Variants in TMEM132D observed in about 807,000 individuals in gnomAD.
TMEM132D encodes mature OL transmembrane protein.
Under a neutral mutation model 62.3 loss-of-function variants are expected in TMEM132D, and 21 were observed. The observed-to-expected ratio is 0.34, with a 90% CI of 0.24 to 0.49. TMEM132D has a LOEUF of 0.49. Among genes scored for constraint, TMEM132D ranks in the 20% least tolerant of loss-of-function variants. The pLI is 0.99. For missense variants in TMEM132D, 1,346 were observed against 1,402.8 expected, an observed-to-expected ratio of 0.96 and a Z score of 0.65; for synonymous variants, 621 against 575.6, an observed-to-expected ratio of 1.08 and a Z score of -1.13.
intron 2 of TMEM132D, among the ~76,000 whole-genome samples, chr12:129,681,119 G>C (rs1339387906): frequency 6.6e-6 from 1 of 152,184 alleles, no homozygotes; most frequent in Admixed American, 6.5e-5. Context: ...AGCAGGGTAA[G>C]GGTAGAAAAT....
At chr12:129,169,907 C>T (rs1012723133) in intron 5 of TMEM132D, among the ~76,000 whole-genome samples, 3 of 152,200 alleles carry the variant, frequency 2.0e-5, no homozygotes, top group Admixed American at 6.5e-5. Flanking sequence ...TATTTGCAAT[C>T]CCAGTTTTGA....
chr12:129,473,365 T>TG (rs1874160209), intron 3 of TMEM132D, among the ~76,000 whole-genome samples: 1 of 138,636 alleles, frequency 7.2e-6, no homozygotes, highest in African/African-American at 2.7e-5. Context: ...GTCTTGCTCT[T>TG]GTTGCCCAGA....
chr12:129,291,978 G>A (rs1046932192), intron 4 of TMEM132D, among the ~76,000 whole-genome samples: 5 of 152,012 alleles, frequency 3.3e-5, no homozygotes, highest in African/African-American at 7.2e-5. Context: ...ATGGGAGATC[G>A]AACATGGGGC....
chr12:129,742,545 C>T (rs532980671), intron 1 of TMEM132D, among the ~76,000 whole-genome samples: 19 of 152,322 alleles, frequency 1.2e-4, no homozygotes, highest in Admixed American at 3.3e-4. Context: ...GATTAAAGTA[C>T]ACACATTCAA....
At chr12:129,593,510 A>C (rs1302639548) in intron 2 of TMEM132D, among the ~76,000 whole-genome samples, 1 of 152,188 alleles carries the variant, frequency 6.6e-6, no homozygotes, top group Non-Finnish European at 1.5e-5. Context: ...TTTTGGACTG[A>C]TTTTAAATGT....
intron 2 of TMEM132D, among the ~76,000 whole-genome samples, chr12:129,645,424 T>C (rs1879749425): frequency 6.6e-6 from 1 of 152,160 alleles, no homozygotes; most frequent in Non-Finnish European, 1.5e-5. Context: ...GAGTCTTCAT[T>C]TGGAAGGCCC....
intron 1 of TMEM132D, chr12:129,854,641 G>C (rs575020624): frequency 6.6e-6 from 1 of 152,396 alleles, no homozygotes; most frequent in South Asian, 2.1e-4. Context: ...CTGTCTGACA[G>C]TAACGTGGAC....
At chr12:129,428,091 G>T (rs1872549868) in intron 3 of TMEM132D, among the ~76,000 whole-genome samples, 1 of 151,924 alleles carries the variant, frequency 6.6e-6, no homozygotes, top group African/African-American at 2.4e-5. Flanking sequence ...GAGGAAACAG[G>T]GACCACAAGC....
At chr12:129,843,626 G>A (rs1433658620) in intron 1 of TMEM132D, among the ~76,000 whole-genome samples, 2 of 152,178 alleles carry the variant, frequency 1.3e-5, no homozygotes, top group South Asian at 2.1e-4. Flanking sequence ...CAGGGACACA[G>A]GCAGGAAGGG....
chr12:129,896,145 G>C (rs1056213673), intron 1 of TMEM132D, among the ~76,000 whole-genome samples: 1 of 78,078 alleles, frequency 1.3e-5, no homozygotes, highest in South Asian at 3.6e-4. Flanking sequence ...CATTTTTTTT[G>C]TTTTGTTTTG....
intron 3 of TMEM132D, among the ~76,000 whole-genome samples, chr12:129,365,404 A>T (rs930280865): frequency 9.9e-5 from 15 of 152,160 alleles, no homozygotes; most frequent in Admixed American, 7.9e-4. Flanking sequence ...ATCAAGAGAG[A>T]ATTTGTCTTA....
rs2137227480 is a variant in TMEM132D, at chr12:129,700,506, G to C, written c.272C>G (p.Pro91Arg). The change falls in exon 2 of 9, where the codon CCT (proline) becomes CGT (arginine). Residue 91 changes from proline (P) to arginine (R), a missense_variant. Transcript: ENST00000422113. ...AGGCCCGTAGCTGGCATTGAGGACAGGCAGCCTCCTGGATTTGTAAATCAG... is the reference window on the plus strand; with the variant it reads ...AGGCCCGTAGCTGGCATTGAGGACACGCAGCCTCCTGGATTTGTAAATCAG... ...SFLIYKSRRL[P>R]VLNASYGPFS... 6.2e-7 allele frequency: 1 copy of C among 1,614,164 alleles called. No homozygotes were observed. Among genetic ancestry groups the C allele is most frequent in the Non-Finnish European group, 8.5e-7 (1 of 1,180,032 alleles).
At chr12:129,080,430 A>G (rs946842635) in intron 7 of TMEM132D, among the ~76,000 whole-genome samples, 1 of 152,330 alleles carries the variant, frequency 6.6e-6, no homozygotes, top group South Asian at 2.1e-4. Flanking sequence ...CTCAGCCTTT[A>G]GAGATCATTA....
At chr12:129,322,091 A>T (rs910629335) in intron 4 of TMEM132D, among the ~76,000 whole-genome samples, 2 of 151,540 alleles carry the variant, frequency 1.3e-5, no homozygotes, top group African/African-American at 4.9e-5. Flanking sequence ...TAATTTTCTC[A>T]TCTGCAAAAT....
intron 5 of TMEM132D, among the ~76,000 whole-genome samples, chr12:129,103,394 C>T (rs1470687586): frequency 6.6e-6 from 1 of 152,232 alleles, no homozygotes; most frequent in African/African-American, 2.4e-5. Context: ...CCCATGCCCC[C>T]ACCTCGGAGG....
chr12:129,388,643 C>CGAG (rs1871200497), intron 3 of TMEM132D, among the ~76,000 whole-genome samples: 1 of 125,898 alleles, frequency 7.9e-6, no homozygotes, highest in Non-Finnish European at 1.8e-5. Flanking sequence ...AACACTAACA[C>CGAG]TCATCCTAAT....
intron 1 of TMEM132D, among the ~76,000 whole-genome samples, chr12:129,832,518 G>C (rs1872874036): frequency 6.6e-6 from 1 of 152,090 alleles, no homozygotes; most frequent in African/African-American, 2.4e-5. Context: ...GAAATGGGGA[G>C]ATGACATCCT....
intron 2 of TMEM132D, among the ~76,000 whole-genome samples, chr12:129,568,718 T>A (rs1050268497): frequency 1.1e-4 from 16 of 152,256 alleles, no homozygotes; most frequent in African/African-American, 3.9e-4. Context: ...ATCTTATTGG[T>A]ATCTCCAATT....
In TMEM132D at chr12:129,195,959, T is replaced by A. The variant is rs1171178950; in HGVS notation, c.1443+13561A>T. 2.0e-5 allele frequency among the ~76,000 whole-genome samples: 3 copies of A among 152,012 alleles called. No homozygotes were observed. In the East Asian group the frequency reaches 5.8e-4, roughly 29 times the overall value. On this transcript the variant is annotated intron_variant, in intron 5 of 8. Coordinates refer to ENST00000422113, the MANE Select transcript of TMEM132D (RefSeq NM_133448.3). ...TGGGCCAACGTGGTGAAACCCCATC[T>A]CTACCAAAAATACAAAAATTAGCTG...
Sources: gnomAD v4.1 joint callset for allele counts (sites outside exome capture counted in the v4.1 genomes callset) on GRCh38, gnomAD v4.1.1 for gene constraint, MANE v1.5 for transcripts, NCBI Gene and HGNC (gene_info 2026-07-23, HGNC 2026-07-21) for gene names.